Variants in NOP2 observed in about 807,000 individuals in gnomAD.
The protein encoded by NOP2 is NOP2 nucleolar protein, also known as 28S rRNA (cytosine(4447)-C(5))-methyltransferase.
NOP2 carries 7 observed loss-of-function variants against 72.7 expected under a neutral mutation model. The ratio of observed to expected loss-of-function variants is 0.10; its 90% CI spans 0.05 to 0.18. The LOEUF (loss-of-function observed/expected upper bound fraction) is 0.18, where lower values mean the gene tolerates loss of function less well. Ranked by LOEUF, NOP2 falls within the 10% of genes least tolerant of loss-of-function variation. NOP2 has a pLI of 1.00. For missense variants in NOP2, 954 were observed against 1,014.7 expected, an observed-to-expected ratio of 0.94 and a Z score of 0.81; for synonymous variants, 387 against 388.0, an observed-to-expected ratio of 1.00 and a Z score of 0.03.
Position 6,556,931 on chromosome 12 carries a change from C to G in NOP2, c.*62G>C. On this transcript the variant is annotated 3_prime_UTR_variant, in exon 16 of 16. Coordinates refer to ENST00000322166, the MANE Select transcript of NOP2 (RefSeq NM_001258308.2). ...ATGCACAGTAGAGAAGGCATCCTCACAGAGGCAAGAGTTCCAACCTGGTGA... is the reference window on the plus strand; with the variant it reads ...ATGCACAGTAGAGAAGGCATCCTCAGAGAGGCAAGAGTTCCAACCTGGTGA... The G allele has an allele frequency of 6.3e-7, 1 of 1,586,362 alleles. No homozygotes were observed.
chr12:6,560,516 A>T lies in NOP2; in HGVS notation c.1491T>A (p.Ser497Arg). The change falls in exon 14 of 16, where the codon AGT becomes AGA. Residue 497 changes from serine (S) to arginine (R), a missense_variant. Ser to Arg is a moderately radical substitution (Grantham distance 110, BLOSUM62 -1). Transcript: ENST00000322166. This position sits in a 1 kb window ranked among gnomAD's most constrained non-coding sequence, Gnocchi z 5.0. ...CAHLQKELLLSAIDSVNATSK... is the reference protein window; with the variant it reads ...CAHLQKELLLRAIDSVNATSK... ...AGGTCGCATTGACAGAGTCAATAGC[A>T]CTCAGGAGCAACTCCTTCTGGAGGT... The T allele has an allele frequency of 6.2e-7, 1 of 1,605,290 alleles. No homozygotes were observed. Among genetic ancestry groups the T allele is most frequent in the East Asian group, 2.2e-5 (1 of 44,652 alleles).
rs61740944 is a variant in NOP2, at chr12:6,566,103, C to T, written c.472G>A (p.Ala158Thr). 1.4e-3 allele frequency: 2,334 copies of T among 1,610,460 alleles called. 40 individuals carry two copies. In the African/African-American group the frequency reaches 0.028, roughly 19 times the overall value. Residue 158 changes from alanine to threonine, a missense_variant and splice_region_variant, in exon 5 of 16, where the codon GCG (alanine) becomes ACG (threonine). Coordinates refer to ENST00000322166, the MANE Select transcript of NOP2 (RefSeq NM_001258308.2). ...ATGCCCAAAAAGATGAATCTCACCG[C>T]TTCACCTTCCTCCTCATCCTCAGAG... is the stretch of plus-strand genomic sequence containing the variant. ...SNSEDEEEGE[A>T]LLPIERAARK...
In NOP2 at chr12:6,561,893, C is replaced by G. The variant is rs747271536; in HGVS notation, c.1057G>C (p.Val353Leu). ...GGTGGGGGAGACTTACCAATGGGCA[C>G]AGAAGAATCATACACCACTAGTCCA... ...KTGLVVYDSS[V>L]PIGATPEYLA... Residue 353 changes from valine to leucine, a missense_variant, in exon 10 of 16, where the codon GTG becomes CTG. This residue lies in a region of NOP2 where 498 missense variants were observed against 478.3 expected (regional missense o/e 1.04). Coordinates refer to ENST00000322166, the MANE Select transcript of NOP2 (RefSeq NM_001258308.2). 6.2e-7 allele frequency: 1 copy of G among 1,611,200 alleles called. No homozygotes were observed. Among genetic ancestry groups the G allele is most frequent in the Non-Finnish European group, 8.5e-7 (1 of 1,178,778 alleles).
rs780842606 is a variant in NOP2 at position 6,561,768 on chromosome 12, A to T, written c.1103T>A (p.Leu368Gln). The T allele has an allele frequency of 6.2e-7, 1 of 1,611,474 alleles. No homozygotes were observed. The highest frequency in any genetic ancestry group is 8.5e-7 in the Non-Finnish European group (1 of 1,178,794). ...GGGCAACATGCTGGAGGCTCCCTGC[A>T]GCATGTAGTGCCCAGCCAGGTACTC... ...TPEYLAGHYM[L>Q]QGASSMLPVM... Residue 368 changes from leucine to glutamine, a missense_variant, in exon 11 of 16, where the codon CTG (leucine) becomes CAG (glutamine). Physicochemically the swap from Leu to Gln is moderately radical, Grantham distance 113. This residue lies in a region of NOP2 where 498 missense variants were observed against 478.3 expected (regional missense o/e 1.04). Transcript: ENST00000322166.
At chr12:6,561,183 C>T (rs1458838706) in intron 11 of NOP2, 113 bp from the exon 12 acceptor site, 7 of 1,317,198 alleles carry the variant, frequency 5.3e-6, no homozygotes, top group African/African-American at 4.4e-5. Flanking sequence ...AAGGCAACTT[C>T]GCTCCCAACA....
rs2136170238 is a variant in NOP2 at position 6,560,698 on chromosome 12, C to T, written c.1437G>A (p.Lys479=). The T allele has an allele frequency of 6.2e-7, 1 of 1,613,528 alleles. No homozygotes were observed. Among genetic ancestry groups the T allele is most frequent in the African/African-American group, 1.3e-5 (1 of 75,010 alleles). Residue 479 remains lysine (K), a splice_region_variant and synonymous_variant, in exon 13 of 16, where the codon AAG becomes AAA. Coordinates refer to ENST00000322166, the MANE Select transcript of NOP2 (RefSeq NM_001258308.2). The surrounding 1 kb of genome is among the most constrained non-coding windows in gnomAD (Gnocchi z 5.0). ...ISKDPAVKTN[K]DEKDILRCAH... ...AGGGGCCCACCACCTGACTCCTCACCTTGTTAGTCTTCACGGCTGGATCCT... is the reference window on the plus strand; with the variant it reads ...AGGGGCCCACCACCTGACTCCTCACTTTGTTAGTCTTCACGGCTGGATCCT...
chr12:6,564,043 C>T, intron 5 of NOP2, 97 bp from the exon 6 acceptor site: 1 of 1,541,488 alleles, frequency 6.5e-7, no homozygotes, highest in Non-Finnish European at 8.7e-7. Context: ...AAATAAAAAT[C>T]CAACACTTGC....
chr12:6,559,123 A>C (rs1947581139), intron 15 of NOP2, among the ~76,000 whole-genome samples: 1 of 150,496 alleles, frequency 6.6e-6, no homozygotes, highest in South Asian at 2.1e-4. Context: ...ACACCTAGCT[A>C]ATTTTTTTTT....
In NOP2 at chr12:6,560,335, G is replaced by C. The variant is rs757943295; in HGVS notation, c.1561-9C>G. On this transcript the variant is annotated splice_polypyrimidine_tract_variant and intron_variant, in intron 14 of 15. Coordinates refer to ENST00000322166, the MANE Select transcript of NOP2 (RefSeq NM_001258308.2). This position sits in a 1 kb window ranked among gnomAD's most constrained non-coding sequence, Gnocchi z 5.0. ...CACTCATTCTCTTCTACCTGGATGTGGGGGGAAGACAAAGAACGGAGGAAA... is the reference window on the plus strand; with the variant it reads ...CACTCATTCTCTTCTACCTGGATGTCGGGGGAAGACAAAGAACGGAGGAAA... The C allele has an allele frequency of 1.9e-6, 3 of 1,611,332 alleles. No homozygotes were observed. Among genetic ancestry groups the C allele is most frequent in the South Asian group, 2.2e-5 (2 of 91,038 alleles).
Position 6,557,256 on chromosome 12 carries a change from G to A in NOP2, c.2176C>T (p.Gln726Ter), listed in dbSNP as rs750948336. Reference sequence around the variant, plus strand: ...GATGGGGATAACACAGCCGGTGTTTGTGTGTCTGTGCCCTTGGGAGGGGCA... The same window carrying A: ...GATGGGGATAACACAGCCGGTGTTTATGTGTCTGTGCCCTTGGGAGGGGCA... ...QNAPPKGTDT[Q>*]TPAVLSPSKT... Residue 726 changes from glutamine to a stop codon, truncating the protein, a stop_gained, in exon 16 of 16, where the codon CAA becomes TAA. Coordinates refer to ENST00000322166, the MANE Select transcript of NOP2 (RefSeq NM_001258308.2). LOFTEE classifies it low-confidence loss of function (END_TRUNC). The A allele has an allele frequency of 6.2e-7, 1 of 1,614,046 alleles. No homozygotes were observed. Among genetic ancestry groups the A allele is most frequent in the Non-Finnish European group, 8.5e-7 (1 of 1,179,902 alleles).
At chr12:6,558,140 C>CAAAAAAAAAA (rs1186896591) in intron 15 of NOP2, 16 of 174,874 alleles carry the variant, frequency 9.1e-5, no homozygotes, top group South Asian at 4.5e-4. Flanking sequence ...GACACCGTCT[C>CAAAAAAAAAA]AAAAAAAAAA....
chr12:6,560,525 C>T lies in NOP2; in HGVS notation c.1482G>A (p.Leu494=), dbSNP rs1947616720. The part of the protein sequence containing the change: ...ILRCAHLQKE[L]LLSAIDSVNA... ...TGACAGAGTCAATAGCACTCAGGAG[C>T]AACTCCTTCTGGAGGTGAGCACAGC... The change falls in exon 14 of 16, where the codon TTG becomes TTA. Residue 494 remains leucine (L), a synonymous_variant. Coordinates refer to ENST00000322166, the MANE Select transcript of NOP2 (RefSeq NM_001258308.2). This position sits in a 1 kb window ranked among gnomAD's most constrained non-coding sequence, Gnocchi z 5.0. 1 of 1,604,668 alleles carries T rather than the reference C, an allele frequency of 6.2e-7. No homozygotes were observed. The highest frequency in any genetic ancestry group is 1.1e-5 in the South Asian group (1 of 90,566).
At position 6,563,637 on chromosome 12, in the gene NOP2, G is replaced by C; in HGVS notation, c.665C>G (p.Pro222Arg). 3 of 1,612,866 alleles carry C rather than the reference G, an allele frequency of 1.9e-6. No individual in the cohort carries two copies. Among genetic ancestry groups the C allele is most frequent in the Non-Finnish European group, 2.5e-6 (3 of 1,179,382 alleles). Residue 222 changes from proline to arginine, a missense_variant, in exon 7 of 16, where the codon CCC (proline) becomes CGC (arginine). By Grantham distance (103) the Pro-to-Arg change is moderately radical. Transcript: ENST00000322166. ...ATCCTGCTCCATCTCCCCAGCAGGG[G>C]GCAGCACAAATGGTTCCTCATCCAC... ...INVDEEPFVL[P>R]PAGEMEQDAQ...
In NOP2 at chr12:6,563,523, G is replaced by A. The variant is rs1392005788; in HGVS notation, c.689-9C>T. 28 of 1,612,568 alleles carry A rather than the reference G, an allele frequency of 1.7e-5. No individual in the cohort carries two copies. The East Asian group carries it at 3.6e-4, about 21-fold the overall frequency. ...GTCTGGAGCCTGGGCATGTGGGCCT[G>A]TTAAGGAACTGTGTCATGATGTCCT... On this transcript the variant is annotated splice_polypyrimidine_tract_variant and intron_variant, in intron 7 of 15. Transcript: ENST00000322166.
chr12:6,562,947 C>T, intron 9 of NOP2, 134 bp downstream of exon 9: 1 of 845,978 alleles, frequency 1.2e-6, no homozygotes. Flanking sequence ...GACATCAGGC[C>T]TCTGGGTTTG....
rs199554499 is a variant in NOP2 at position 6,563,451 on chromosome 12, C to A, written c.752G>T (p.Arg251Leu). 5.0e-6 allele frequency: 8 copies of A among 1,611,262 alleles called. No homozygotes were observed. Among genetic ancestry groups the A allele is most frequent in the Admixed American group, 3.4e-5 (2 of 59,580 alleles). Residue 251 changes from arginine to leucine, a missense_variant, in exon 8 of 16, where the codon CGT (arginine) becomes CTT (leucine). By Grantham distance (102) the Arg-to-Leu change is moderately radical. Transcript: ENST00000322166. The part of the protein sequence containing the change: ...KRIQDIVGIL[R>L]DFGAQREEGR... ...TTCCTCCCGCTGAGCCCCAAAATCA[C>A]GCAGAATTCCCACAATATCCTGGAT...
At chr12:6,568,042 T>C in intron 1 of NOP2, 120 bp from the exon 2 acceptor site, 1 of 697,702 alleles carries the variant, frequency 1.4e-6, no homozygotes, top group Non-Finnish European at 2.4e-6. Context: ...CGCAACTCAC[T>C]CAGCACTCCC....
rs369637319 is a variant in NOP2 at position 6,563,424 on chromosome 12, C to T, written c.779G>A (p.Gly260Glu). ...GTTCAGGTATTCAGAACGAGACCGC[C>T]CTTCCTCCCGCTGAGCCCCAAAATC... is the stretch of plus-strand genomic sequence containing the variant. ...LRDFGAQREEGRSRSEYLNRL... is the reference protein window; with the variant it reads ...LRDFGAQREEERSRSEYLNRL... Residue 260 changes from glycine (G) to glutamate (E), a missense_variant, in exon 8 of 16, where the codon GGG (glycine) becomes GAG (glutamate). By Grantham distance (98) the Gly-to-Glu change is moderately conservative (BLOSUM62 -2). Transcript: ENST00000322166. 1 of 1,609,070 alleles carries T rather than the reference C, an allele frequency of 6.2e-7. No homozygotes were observed. The highest frequency in any genetic ancestry group is 1.3e-5 in the African/African-American group (1 of 74,798).
Position 6,557,606 on chromosome 12 carries a change from A to C in NOP2, c.1826T>G (p.Leu609Trp), listed in dbSNP as rs772686785. 6.2e-6 allele frequency: 10 copies of C among 1,613,436 alleles called. No individual in the cohort carries two copies. Among genetic ancestry groups the C allele is most frequent in the Non-Finnish European group, 8.5e-6 (10 of 1,179,650 alleles). The change falls in exon 16 of 16, where the codon TTG becomes TGG. Residue 609 changes from leucine (L) to tryptophan (W), a missense_variant. By Grantham distance (61) the Leu-to-Trp change is moderately conservative. Transcript: ENST00000322166. The stretch of plus-strand genomic sequence containing the variant: ...CTCAGACTTGGGGATGACCTGAGGC[A>C]AGTCTACATTTGTAGGTGTGGCTGT... ...SETATPTNVDLPQVIPKSENS... is the reference protein window; with the variant it reads ...SETATPTNVDWPQVIPKSENS...
Sources: allele counts gnomAD v4.1 joint callset (sites outside exome capture counted in the v4.1 genomes callset), GRCh38; gene constraint gnomAD v4.1.1; regional missense constraint gnomAD v4.1.1; non-coding constraint Gnocchi (gnomAD v3.1); transcripts MANE v1.5; gene names NCBI Gene and HGNC (gene_info 2026-07-23, HGNC 2026-07-21).